Variants in C12orf42 observed in about 807,000 individuals in gnomAD.
C12orf42 encodes chromosome 12 open reading frame 42.
In C12orf42, 25 loss-of-function variants were observed where a neutral mutation model predicts 21.6. The observed-to-expected ratio is 1.16, with a 90% CI of 0.84 to 1.62. The LOEUF is 1.62. Among genes scored for constraint, C12orf42 ranks in the 40% most tolerant of loss-of-function variants. C12orf42 has a pLI of 0.00. For synonymous variants in C12orf42, 174 were observed against 175.0 expected, an observed-to-expected ratio of 0.99 and a Z score of 0.05; for missense variants, 483 against 459.3, an observed-to-expected ratio of 1.05 and a Z score of -0.47.
At chr12:103,495,470 G>C (rs1279682412) in intron 1 of C12orf42, among the ~76,000 whole-genome samples, 3 of 151,570 alleles carry the variant, frequency 2.0e-5, no homozygotes, top group African/African-American at 7.3e-5. Context: ...GGGCGGCGGC[G>C]AGCCGGCCGG....
At chr12:103,072,480 A>G in the C12orf42 span, among the ~76,000 whole-genome samples, 2 of 152,124 alleles carry the variant, frequency 1.3e-5, no homozygotes, top group Non-Finnish European at 2.9e-5. Context: ...CACAAATATA[A>G]GAATTCCCAT....
At chr12:103,142,393 C>G in the C12orf42 span, among the ~76,000 whole-genome samples, 2 of 152,148 alleles carry the variant, frequency 1.3e-5, no homozygotes, top group African/African-American at 4.8e-5. Flanking sequence ...GAACAAAGAA[C>G]AGTTTACAAA....
At chr12:103,182,263 C>T in the C12orf42 span, among the ~76,000 whole-genome samples, 1 of 152,026 alleles carries the variant, frequency 6.6e-6, no homozygotes. Flanking sequence ...AAATATATAC[C>T]AGAGCCATGG....
At chr12:103,263,643 C>T (rs1436526468), downstream of C12orf42, among the ~76,000 whole-genome samples, 1 of 152,136 alleles carries the variant, frequency 6.6e-6, no homozygotes, top group Non-Finnish European at 1.5e-5. Flanking sequence ...AGCCTTATCA[C>T]CCTAACCTGC....
At chr12:103,187,987 C>T in the C12orf42 span, among the ~76,000 whole-genome samples, 9 of 152,144 alleles carry the variant, frequency 5.9e-5, no homozygotes, top group African/African-American at 2.2e-4. Context: ...CTGCTTGCTA[C>T]CTCAATTTCT....
intron 5 of C12orf42, among the ~76,000 whole-genome samples, chr12:103,305,181 C>T (rs887440418): frequency 2.0e-5 from 3 of 152,128 alleles, no homozygotes; most frequent in Non-Finnish European, 4.4e-5. Flanking sequence ...GACCATGAGT[C>T]GGACAAGCTT....
At chr12:103,095,442 C>T in the C12orf42 span, among the ~76,000 whole-genome samples, 6 of 152,130 alleles carry the variant, frequency 3.9e-5, no homozygotes, top group African/African-American at 1.4e-4. Flanking sequence ...TCCTGTGCCC[C>T]ATTGTTCCTT....
chr12:103,563,009 T>C, the C12orf42 span, among the ~76,000 whole-genome samples: 2 of 152,224 alleles, frequency 1.3e-5, no homozygotes, highest in Non-Finnish European at 1.5e-5. Context: ...CTTACTTCAA[T>C]GAACAAATAG....
At chr12:103,481,970 G>A (rs1954504005) in intron 1 of C12orf42, among the ~76,000 whole-genome samples, 2 of 151,646 alleles carry the variant, frequency 1.3e-5, no homozygotes, top group African/African-American at 2.4e-5. Context: ...TAACACTCTT[G>A]TAAATAAAAC....
At chr12:103,198,245 A>G in the C12orf42 span, among the ~76,000 whole-genome samples, 2 of 152,206 alleles carry the variant, frequency 1.3e-5, no homozygotes, top group Non-Finnish European at 2.9e-5. Context: ...ACAAGCATGC[A>G]CTAGCTTCAC....
At chr12:103,404,614 C>T (rs1664775602) in intron 2 of C12orf42, among the ~76,000 whole-genome samples, 2 of 152,202 alleles carry the variant, frequency 1.3e-5, no homozygotes, top group African/African-American at 4.8e-5. Context: ...AGAGTCGCCA[C>T]ATAAACCAGA....
chr12:103,445,072 C>T (rs1951495759), intron 2 of C12orf42, among the ~76,000 whole-genome samples: 1 of 152,042 alleles, frequency 6.6e-6, no homozygotes, highest in African/African-American at 2.4e-5. Flanking sequence ...GTTGATACTT[C>T]CTGTGTACTG....
At chr12:103,350,583 A>G (rs557267286) in intron 4 of C12orf42, among the ~76,000 whole-genome samples, 87 of 152,312 alleles carry the variant, frequency 5.7e-4, no homozygotes, top group African/African-American at 2.0e-3. Flanking sequence ...AGGAGAAAAC[A>G]TAGTATATAT....
At chr12:103,527,958 C>T in the C12orf42 span, among the ~76,000 whole-genome samples, 3 of 152,300 alleles carry the variant, frequency 2.0e-5, no homozygotes, top group East Asian at 5.8e-4. Context: ...GGGGTCCTTG[C>T]CCCATTAATT....
In C12orf42 at chr12:103,357,064, G is replaced by A. The variant is rs979009496; in HGVS notation, c.259+11823C>T. On this transcript the variant is annotated intron_variant, in intron 4 of 5. Coordinates refer to ENST00000548883, the MANE Select transcript of C12orf42 (RefSeq NM_198521.5). The stretch of plus-strand genomic sequence containing the variant: ...CGCAAGGACAAAAAAACCAAACACC[G>A]CATGTTCTCACTCATAGGTGGGAAT... Among the ~76,000 whole-genome samples, 1,418 of 147,196 alleles carry A rather than the reference G, an allele frequency of 9.6e-3. 14 individuals are homozygous for A. The highest frequency in any genetic ancestry group is 0.034 in the African/African-American group (1,357 of 40,136).
At chr12:103,210,723 C>G in the C12orf42 span, among the ~76,000 whole-genome samples, 3 of 137,380 alleles carry the variant, frequency 2.2e-5, no homozygotes, top group African/African-American at 8.0e-5. Flanking sequence ...ATAAAACATA[C>G]AGGAAGTTAC....
intron 2 of C12orf42, among the ~76,000 whole-genome samples, chr12:103,423,243 C>A (rs2050076300): frequency 6.6e-6 from 1 of 152,186 alleles, no homozygotes; most frequent in African/African-American, 2.4e-5. Flanking sequence ...ACAAGTGTGA[C>A]AATTTGTGGG....
At chr12:103,385,857 T>C (rs1237985920) in intron 3 of C12orf42, among the ~76,000 whole-genome samples, 1 of 152,204 alleles carries the variant, frequency 6.6e-6, no homozygotes, top group Admixed American at 6.5e-5. Flanking sequence ...CCTTTGGTGA[T>C]GGATATAAAG....
the C12orf42 span, among the ~76,000 whole-genome samples, chr12:103,507,118 T>TA: frequency 1.6e-4 from 2 of 12,516 alleles, no homozygotes; most frequent in African/African-American, 2.3e-3. Context: ...TAAATATATA[T>TA]TTATATATAA....
Sources: allele counts gnomAD v4.1 joint callset (sites outside exome capture counted in the v4.1 genomes callset), GRCh38; gene constraint gnomAD v4.1.1; transcripts MANE v1.5; gene names NCBI Gene and HGNC (gene_info 2026-07-23, HGNC 2026-07-21).